LTV1: variants seen among roughly 807,000 people sequenced by gnomAD.
LTV1 encodes the protein LTV1 ribosome biogenesis factor, also known as protein LTV1 homolog.
LTV1 carries 39 observed loss-of-function variants against 59.9 expected under a neutral mutation model. The ratio of observed to expected loss-of-function variants is 0.65; its 90% CI spans 0.50 to 0.85. The LOEUF (loss-of-function observed/expected upper bound fraction) is 0.85, where lower values mean the gene tolerates loss of function less well. Ranked by LOEUF, LTV1 falls within the 40% of genes least tolerant of loss-of-function variation. The pLI, the probability that LTV1 is intolerant of heterozygous loss-of-function variation, is 0.00. For missense variants in LTV1, 493 were observed against 549.1 expected, an observed-to-expected ratio of 0.90 and a Z score of 1.02; for synonymous variants, 171 against 189.5, an observed-to-expected ratio of 0.90 and a Z score of 0.80.
chr6:143,858,220 G>C, intron 6 of LTV1: 1 of 561,472 alleles, frequency 1.8e-6, no homozygotes, highest in Non-Finnish European at 3.2e-6. Flanking sequence ...AGGGAGCATA[G>C]AACTGTGCAG....
chr6:143,861,503 C>T (rs1777163725), intron 7 of LTV1, among the ~76,000 whole-genome samples: 1 of 151,784 alleles, frequency 6.6e-6, no homozygotes, highest in South Asian at 2.1e-4. Context: ...GTCTTTTGGG[C>T]TGAAGAATTA....
rs1423960478 is a variant in LTV1 at position 143,863,606 on chromosome 6, A to G, written c.*79A>G. 2 of 903,936 alleles carry G rather than the reference A, an allele frequency of 2.2e-6. No homozygotes were observed. The highest frequency in any genetic ancestry group is 3.4e-6 in the Non-Finnish European group (2 of 595,518). 56.0% of individuals were successfully genotyped at this position (903,936 alleles called of 1,614,324 possible). Reference sequence around the variant, plus strand: ...ATTGACTAGAAACTTCAGAAAGACAAAACTGTTTGCCATTTTTACTGGCAG... The same window carrying G: ...ATTGACTAGAAACTTCAGAAAGACAGAACTGTTTGCCATTTTTACTGGCAG... On this transcript the variant is annotated 3_prime_UTR_variant, in exon 11 of 11. Coordinates refer to ENST00000367576, the MANE Select transcript of LTV1 (RefSeq NM_032860.5). The surrounding 1 kb of genome is among the most constrained non-coding windows in gnomAD (Gnocchi z 4.5).
rs771415721 is a variant in LTV1 at position 143,863,314 on chromosome 6, T to C, written c.1317+28T>C. On this transcript the variant is annotated intron_variant, in intron 10 of 10. Coordinates refer to ENST00000367576, the MANE Select transcript of LTV1 (RefSeq NM_032860.5). The surrounding 1 kb of genome is among the most constrained non-coding windows in gnomAD (Gnocchi z 4.5). ...AAAATATATTTTTCAAATGTGAGAT[T>C]TACAAAGAGCTGGTGGAGGGGAAAT... The C allele has an allele frequency of 6.8e-6, 11 of 1,609,004 alleles. No homozygotes were observed. Among genetic ancestry groups the C allele is most frequent in the Non-Finnish European group, 9.3e-6 (11 of 1,176,876 alleles).
intron 4 of LTV1, among the ~76,000 whole-genome samples, chr6:143,852,500 T>G (rs1364773490): frequency 1.3e-5 from 2 of 152,204 alleles, no homozygotes; most frequent in African/African-American, 4.8e-5. Context: ...TGCAAAAATT[T>G]TCTCCCATTG....
rs1777099411 is a variant in LTV1, at chr6:143,857,691, G to A, written c.540-61G>A. ...TACCTTCCAATTTTACTTGTGTAAAGTGGTTTTGTTCTGTTACTTTTTAAG... is the reference window on the plus strand; with the variant it reads ...TACCTTCCAATTTTACTTGTGTAAAATGGTTTTGTTCTGTTACTTTTTAAG... On this transcript the variant is annotated intron_variant, in intron 5 of 10. Coordinates refer to ENST00000367576, the MANE Select transcript of LTV1 (RefSeq NM_032860.5). This position sits in a 1 kb window ranked among gnomAD's most constrained non-coding sequence, Gnocchi z 5.2. The A allele has an allele frequency of 1.3e-6, 2 of 1,569,802 alleles. No individual in the cohort carries two copies. Among genetic ancestry groups the A allele is most frequent in the Non-Finnish European group, 1.7e-6 (2 of 1,143,350 alleles).
intron 6 of LTV1, 153 bp downstream of exon 6, chr6:143,858,160 A>G: frequency 1.4e-6 from 1 of 701,422 alleles, no homozygotes; most frequent in Non-Finnish European, 2.5e-6. Flanking sequence ...TCGTGTAGCC[A>G]GCATAAAGCA....
At chr6:143,850,699 T>A (rs989975114) in intron 4 of LTV1, among the ~76,000 whole-genome samples, 1 of 152,204 alleles carries the variant, frequency 6.6e-6, no homozygotes, top group Non-Finnish European at 1.5e-5. Context: ...TCTACAGAAG[T>A]GGTGTTGGTA....
At chr6:143,859,938 T>TA (rs1011910234) in intron 6 of LTV1, among the ~76,000 whole-genome samples, 1 of 151,948 alleles carries the variant, frequency 6.6e-6, no homozygotes, top group Non-Finnish European at 1.5e-5. Flanking sequence ...TGTTTCTATT[T>TA]AAAAAAATAA....
At chr6:143,848,094 T>C (rs1776922425) in intron 3 of LTV1, among the ~76,000 whole-genome samples, 1 of 152,198 alleles carries the variant, frequency 6.6e-6, no homozygotes, top group African/African-American at 2.4e-5. Context: ...AACAGAGTAA[T>C]TTCTCTTTAA....
chr6:143,863,609 CTGTT>C lies in LTV1; in HGVS notation c.*85_*88del, dbSNP rs1191211889. On this transcript the variant is annotated 3_prime_UTR_variant, in exon 11 of 11. Transcript: ENST00000367576. This position sits in a 1 kb window ranked among gnomAD's most constrained non-coding sequence, Gnocchi z 4.5. ...GACTAGAAACTTCAGAAAGACAAAACTGTTTGCCATTTTTACTGGCAGATAAGAG... is the reference window on the plus strand; with the variant it reads ...GACTAGAAACTTCAGAAAGACAAAACTGCCATTTTTACTGGCAGATAAGAG... The C allele has an allele frequency of 1.9e-5, 17 of 874,562 alleles. No individual in the cohort carries two copies. In the South Asian group the frequency reaches 2.9e-4, roughly 15 times the overall value. 54.2% of individuals were successfully genotyped at this position (874,562 alleles called of 1,614,324 possible). A position where few individuals can be genotyped will look rare whatever the true frequency, so the allele number is the denominator to read the frequency against.
Position 143,844,661 on chromosome 6 carries a change from G to GT in LTV1, c.135+54dup, listed in dbSNP as rs755562476. ...CCAGTCAGTTTGTAGGTAGACAATA[G>GT]TTTTTTTTTTCTTTTTTTTTTTTTA... On this transcript the variant is annotated intron_variant, in intron 2 of 10. Transcript: ENST00000367576. 9.6e-3 allele frequency: 12,555 copies of GT among 1,307,740 alleles called. 1 individual carries two copies. The highest frequency in any genetic ancestry group is 0.01 in the Non-Finnish European group (9,924 of 961,904). 81.0% of individuals were successfully genotyped at this position (1,307,740 alleles called of 1,614,324 possible).
rs778309444 is a variant in LTV1, at chr6:143,863,195, A to G, written c.1226A>G (p.Asp409Gly). Reference protein sequence around the residue: ...TERIQMINGSDLPKVSTQPRS... With the variant: ...TERIQMINGSGLPKVSTQPRS... ...AGAATACAGATGATTAATGGCAGTG[A>G]TCTTCCTAAAGTATCAACTCAGCCA... The change falls in exon 10 of 11, where the codon GAT becomes GGT. Residue 409 changes from aspartate to glycine, a missense_variant. By Grantham distance (94) the Asp-to-Gly change is moderately conservative. Transcript: ENST00000367576. This position sits in a 1 kb window ranked among gnomAD's most constrained non-coding sequence, Gnocchi z 4.5. 2.5e-6 allele frequency: 4 copies of G among 1,614,038 alleles called. No individual in the cohort carries two copies. Among genetic ancestry groups the G allele is most frequent in the Non-Finnish European group, 3.4e-6 (4 of 1,179,948 alleles).
chr6:143,849,787 T>C lies in LTV1; in HGVS notation c.310-344T>C, dbSNP rs540881587. ...ATGAAGGTATCAGCAGGTTTGGTTT[T>C]TTTCTTGGGGGCTTAGAGGGAGAGG... On this transcript the variant is annotated intron_variant, in intron 3 of 10. Coordinates refer to ENST00000367576, the MANE Select transcript of LTV1 (RefSeq NM_032860.5). Among the ~76,000 whole-genome samples the C allele has an allele frequency of 3.9e-5, 6 of 152,266 alleles. No individual in the cohort carries two copies. The East Asian group carries it at 7.7e-4, about 20-fold the overall frequency.
At chr6:143,851,344 A>G (rs1048816963) in intron 4 of LTV1, among the ~76,000 whole-genome samples, 1 of 152,202 alleles carries the variant, frequency 6.6e-6, no homozygotes, top group Admixed American at 6.5e-5. Flanking sequence ...ATGGAAGAAC[A>G]TATCTGAAGA....
chr6:143,861,969 C>T (rs1038985462), intron 7 of LTV1, 135 bp from the exon 8 acceptor site: 10 of 784,246 alleles, frequency 1.3e-5, no homozygotes, highest in Middle Eastern at 2.7e-4. Context: ...CAGAAAATAA[C>T]GGATGGGTCA....
At chr6:143,851,332 A>G (rs1285036757) in intron 4 of LTV1, among the ~76,000 whole-genome samples, 1 of 152,228 alleles carries the variant, frequency 6.6e-6, no homozygotes, top group Non-Finnish European at 1.5e-5. Context: ...GTATATTTAT[A>G]GATGGAAGAA....
At chr6:143,856,725 C>A (rs1777082042) in intron 4 of LTV1, among the ~76,000 whole-genome samples, 1 of 152,194 alleles carries the variant, frequency 6.6e-6, no homozygotes, top group East Asian at 1.9e-4. Flanking sequence ...GCTGGAGGTC[C>A]AGTCCAGTCC....
intron 4 of LTV1, among the ~76,000 whole-genome samples, chr6:143,853,454 C>A (rs1777019406): frequency 6.6e-6 from 1 of 152,148 alleles, no homozygotes; most frequent in Non-Finnish European, 1.5e-5. Context: ...TTGGAATACG[C>A]TTTATTTCTT....
chr6:143,850,360 G>C (rs977548307), intron 4 of LTV1, 142 bp downstream of exon 4: 3 of 610,090 alleles, frequency 4.9e-6, no homozygotes, highest in East Asian at 2.8e-5. Flanking sequence ...TTATTAGGAA[G>C]GGATGAATGT....
Sources: gnomAD v4.1 joint callset for allele counts (sites outside exome capture counted in the v4.1 genomes callset) on GRCh38, gnomAD v4.1.1 for gene constraint, Gnocchi (gnomAD v3.1) non-coding constraint, MANE v1.5 for transcripts, NCBI Gene and HGNC (gene_info 2026-07-23, HGNC 2026-07-21) for gene names.